PIH1D2: variants seen among roughly 807,000 people sequenced by gnomAD.
The protein encoded by PIH1D2 is PIH1 domain-containing protein 2.
Under a neutral mutation model 31.2 loss-of-function variants are expected in PIH1D2, and 25 were observed. The observed-to-expected ratio is 0.80, with a 90% CI of 0.58 to 1.12. The LOEUF (loss-of-function observed/expected upper bound fraction) is 1.12. Among genes scored for constraint, PIH1D2 ranks in the 50% most tolerant of loss-of-function variants. The pLI is 0.00. For missense variants in PIH1D2, 310 were observed against 356.6 expected (o/e 0.87, Z 1.05); for synonymous variants, 116 against 119.9 (o/e 0.97, Z 0.21).
At chr11:112,054,795 C>T in the PIH1D2 span, among the ~76,000 whole-genome samples, 1 of 152,130 alleles carries the variant, frequency 6.6e-6, no homozygotes, top group Non-Finnish European at 1.5e-5. Context: ...CAATGCGTTC[C>T]CTCCAAAGAC....
chr11:112,072,765 G>T, intron 2 of PIH1D2: 1 of 362,330 alleles, frequency 2.8e-6, no homozygotes, highest in Non-Finnish European at 5.0e-6. Flanking sequence ...TTGGGAGGCT[G>T]AGGCAGGAGA....
downstream of PIH1D2, among the ~76,000 whole-genome samples, chr11:112,060,503 G>A (rs1254274187): frequency 6.6e-6 from 1 of 152,036 alleles, no homozygotes; most frequent in Non-Finnish European, 1.5e-5. Flanking sequence ...CACCCAGGTT[G>A]GAGTACAATG....
downstream of PIH1D2, chr11:112,064,134 C>T: frequency 1.3e-6 from 2 of 1,487,272 alleles, no homozygotes; most frequent in Admixed American, 2.4e-5. Flanking sequence ...CACAAGGGAC[C>T]ATCATCAATA....
At chr11:112,060,641 T>C (rs1864533955), downstream of PIH1D2, among the ~76,000 whole-genome samples, 1 of 151,958 alleles carries the variant, frequency 6.6e-6, no homozygotes, top group Admixed American at 6.6e-5. Flanking sequence ...TGTGTGTATG[T>C]TTTTAGTAGT....
chr11:112,073,037 A>G lies in PIH1D2; in HGVS notation c.138T>C (p.Ala46=). 2 of 1,613,992 alleles carry G rather than the reference A, an allele frequency of 1.2e-6. No homozygotes were observed. The highest frequency in any genetic ancestry group is 8.5e-7 in the Non-Finnish European group (1 of 1,179,900). The change falls in exon 2 of 6, where the codon GCT becomes GCC. Residue 46 remains alanine, a synonymous_variant. Transcript: ENST00000280350. The stretch of plus-strand genomic sequence containing the variant: ...GTAGACAAAGCTGTGGTTCTGGGGC[A>G]GCACAGAGCTGTTTCCCTTCTTTCA... ...QQLKEGKQLC[A]APEPQLCLQT...
downstream of PIH1D2, among the ~76,000 whole-genome samples, chr11:112,065,611 C>T (rs375001750): frequency 6.6e-6 from 1 of 152,068 alleles, no homozygotes; most frequent in African/African-American, 2.4e-5. Flanking sequence ...GAATTTAAAT[C>T]CAGGCCAGGC....
the PIH1D2 span, among the ~76,000 whole-genome samples, chr11:112,058,125 A>C: frequency 6.6e-6 from 1 of 152,202 alleles, no homozygotes; most frequent in Non-Finnish European, 1.5e-5. Context: ...CTAACCAAAC[A>C]CCATTCATTT....
At chr11:112,059,682 C>T (rs1004719375), downstream of PIH1D2, among the ~76,000 whole-genome samples, 9 of 152,138 alleles carry the variant, frequency 5.9e-5, no homozygotes, top group South Asian at 1.2e-3. Context: ...CATGAGCCAC[C>T]GTTCCCGGAC....
chr11:112,065,529 T>C (rs1555183743), downstream of PIH1D2, among the ~76,000 whole-genome samples: 1 of 152,036 alleles, frequency 6.6e-6, no homozygotes, highest in African/African-American at 2.4e-5. Flanking sequence ...GGGGTGAGAA[T>C]AGGTTTGTTA....
chr11:112,061,116 T>C (rs1336564457), downstream of PIH1D2: 1 of 1,614,124 alleles, frequency 6.2e-7, no homozygotes, highest in Non-Finnish European at 8.5e-7. Context: ...ACCTCAAGCA[T>C]GTATTTTGGC....
chr11:112,073,014 A>G lies in PIH1D2; in HGVS notation c.161T>C (p.Leu54Pro), dbSNP rs1218154422. The change falls in exon 2 of 6, where the codon CTA becomes CCA. Residue 54 changes from leucine to proline, a missense_variant. By Grantham distance (98) the Leu-to-Pro change is moderately conservative (BLOSUM62 -3). Transcript: ENST00000280350. The stretch of plus-strand genomic sequence containing the variant: ...TCGACATACCAGAATCCTGGTCTGT[A>G]GACAAAGCTGTGGTTCTGGGGCAGC... ...LCAAPEPQLC[L>P]QTRILKPKEK... 2 of 1,612,196 alleles carry G rather than the reference A, an allele frequency of 1.2e-6. No individual in the cohort carries two copies. Among genetic ancestry groups the G allele is most frequent in the Admixed American group, 3.3e-5 (2 of 59,766 alleles).
At chr11:112,065,637 T>G (rs1438945255), downstream of PIH1D2, among the ~76,000 whole-genome samples, 1 of 152,124 alleles carries the variant, frequency 6.6e-6, no homozygotes, top group Non-Finnish European at 1.5e-5. Context: ...AAAAGGAGAT[T>G]TGAGGCAAGG....
At chr11:112,066,781 G>A (rs1277572351), downstream of PIH1D2, among the ~76,000 whole-genome samples, 1 of 152,042 alleles carries the variant, frequency 6.6e-6, no homozygotes, top group Non-Finnish European at 1.5e-5. Flanking sequence ...AGAGGTTAGG[G>A]GCTGAGTGCC....
chr11:112,056,325 A>G, the PIH1D2 span, among the ~76,000 whole-genome samples: 1 of 152,206 alleles, frequency 6.6e-6, no homozygotes, highest in Non-Finnish European at 1.5e-5. Context: ...AAGATCACTC[A>G]TGCTCATTTA....
the PIH1D2 span, among the ~76,000 whole-genome samples, chr11:112,056,272 G>T: frequency 6.6e-6 from 1 of 152,100 alleles, no homozygotes; most frequent in Non-Finnish European, 1.5e-5. Context: ...GAATTACGCA[G>T]TCTTTACCAC....
chr11:112,062,451 C>G (rs782349506), downstream of PIH1D2: 1 of 1,612,722 alleles, frequency 6.2e-7, no homozygotes, highest in Non-Finnish European at 8.5e-7. Context: ...GTTGTGATCA[C>G]CGGGTGGTGG....
the PIH1D2 span, among the ~76,000 whole-genome samples, chr11:112,057,620 C>G: frequency 6.6e-6 from 1 of 152,214 alleles, no homozygotes; most frequent in Non-Finnish European, 1.5e-5. Flanking sequence ...AAGGCCCTAA[C>G]TCTCTTCAAT....
At chr11:112,066,500 C>T (rs587759244), downstream of PIH1D2, among the ~76,000 whole-genome samples, 11 of 151,368 alleles carry the variant, frequency 7.3e-5, no homozygotes, top group African/African-American at 2.7e-4. Flanking sequence ...TAGCTAGGGG[C>T]GGTTGCGGGC....
chr11:112,057,427 A>G, the PIH1D2 span, among the ~76,000 whole-genome samples: 3 of 152,266 alleles, frequency 2.0e-5, no homozygotes, highest in Non-Finnish European at 2.9e-5. Context: ...CTTGTGCCAA[A>G]CAGCCAACTT....
Sources: gnomAD v4.1 joint callset for allele counts (sites outside exome capture counted in the v4.1 genomes callset) on GRCh38, gnomAD v4.1.1 for gene constraint, MANE v1.5 for transcripts, NCBI Gene and HGNC (gene_info 2026-07-23, HGNC 2026-07-21) for gene names.